Variants in NPM1 observed in about 807,000 individuals in gnomAD.
The protein encoded by NPM1 is nucleophosmin 1.
A neutral mutation model predicts 44.1 loss-of-function variants in NPM1; 1 was observed. That is an observed-to-expected ratio of 0.02 (90% CI 0.01 to 0.11). NPM1 has a LOEUF of 0.11. NPM1 is among the 10% of genes least tolerant of loss of function. The pLI is 1.00. For missense variants in NPM1, 197 were observed against 347.8 expected (o/e 0.57, Z 3.45); for synonymous variants, 126 against 111.8 (o/e 1.13, Z -0.80).
chr5:171,388,280 G>T (rs1045295308), intron 1 of NPM1, among the ~76,000 whole-genome samples: 10 of 152,186 alleles, frequency 6.6e-5, no homozygotes, highest in Non-Finnish European at 1.5e-4. Flanking sequence ...AGTGGAACCG[G>T]CCGCCTGGAA....
intron 10 of NPM1, 141 bp from the exon 11 acceptor site, chr5:171,410,386 G>C (rs1771762779): frequency 6.2e-6 from 3 of 485,134 alleles, no homozygotes; most frequent in Admixed American, 3.9e-5. Flanking sequence ...AAATTTTCTT[G>C]GAGTCATATC....
At chr5:171,399,532 A>G (rs1190244142) in intron 6 of NPM1, among the ~76,000 whole-genome samples, 3 of 152,156 alleles carry the variant, frequency 2.0e-5, no homozygotes, top group East Asian at 3.8e-4. Flanking sequence ...ACACTGTGCC[A>G]GTTCTTGGGT....
At chr5:171,400,111 CA>C in intron 6 of NPM1, 41 bp from the exon 7 acceptor site, 2 of 1,188,970 alleles carry the variant, frequency 1.7e-6, no homozygotes, top group Non-Finnish European at 2.5e-6. Flanking sequence ...TGTCTACTCC[CA>C]AATTTTGAAA....
At chr5:171,387,702 G>C, upstream of NPM1, 1 of 556,244 alleles carries the variant, frequency 1.8e-6, no homozygotes, top group Non-Finnish European at 3.2e-6. Context: ...TGGGGGCGAG[G>C]TAGAAAGGAG....
At chr5:171,397,128 C>T (rs1364072812) in intron 6 of NPM1, among the ~76,000 whole-genome samples, 1 of 152,080 alleles carries the variant, frequency 6.6e-6, no homozygotes, top group African/African-American at 2.4e-5. Flanking sequence ...TGAACTTTGT[C>T]TATAGGTTTC....
At chr5:171,407,428 C>G (rs1447069109) in intron 9 of NPM1, 1 of 405,758 alleles carries the variant, frequency 2.5e-6, no homozygotes, top group Non-Finnish European at 4.3e-6. Flanking sequence ...GTTTGTTTGT[C>G]GAATCTCAAG....
intron 2 of NPM1, among the ~76,000 whole-genome samples, chr5:171,390,715 T>C (rs552092363): frequency 3.7e-4 from 52 of 141,852 alleles, no homozygotes; most frequent in Non-Finnish European, 6.5e-4. Flanking sequence ...TTATTTTTAA[T>C]ATACCTTTCC....
At chr5:171,389,971 C>G in intron 1 of NPM1, 80 bp from the exon 2 acceptor site, 4 of 800,220 alleles carry the variant, frequency 5.0e-6, no homozygotes, top group Non-Finnish European at 8.4e-6. Context: ...AAAAGTTAGA[C>G]CTGACCTTTT....
At chr5:171,391,030 T>C (rs2113164536) in intron 2 of NPM1, 1 of 253,512 alleles carries the variant, frequency 3.9e-6, no homozygotes, top group South Asian at 1.0e-4. Context: ...CCCTTTCCTA[T>C]GCTTAGATGC....
At chr5:171,392,250 T>A (rs144673967) in intron 4 of NPM1, among the ~76,000 whole-genome samples, 40 of 152,354 alleles carry the variant, frequency 2.6e-4, no homozygotes, top group African/African-American at 9.4e-4. Flanking sequence ...CTAAAAATTA[T>A]TTTTTAATAA....
intron 9 of NPM1, chr5:171,406,573 A>T (rs1198490133): frequency 2.1e-6 from 3 of 1,438,918 alleles, no homozygotes; most frequent in East Asian, 2.5e-5. Flanking sequence ...GGCTGGAAAC[A>T]ATCTCTTGGT....
rs763929185 is a variant in NPM1 at position 171,405,293 on chromosome 5, C to A, written c.670-9C>A. Reference sequence around the variant, plus strand: ...CTTATGACCTTTTGGAAATTCATTTCTTTTTCAGGGACAAGAATCCTTCAA... The same window carrying A: ...CTTATGACCTTTTGGAAATTCATTTATTTTTCAGGGACAAGAATCCTTCAA... On this transcript the variant is annotated splice_polypyrimidine_tract_variant and intron_variant, in intron 8 of 10. Transcript: ENST00000296930. 17 of 1,417,240 alleles carry A rather than the reference C, an allele frequency of 1.2e-5. No individual in the cohort carries two copies. The highest frequency in any genetic ancestry group is 2.3e-5 in the East Asian group (1 of 43,916). 87.8% of individuals were successfully genotyped at this position (1,417,240 alleles called of 1,614,324 possible). A position where few individuals can be genotyped will look rare whatever the true frequency, so the allele number is the denominator to read the frequency against.
chr5:171,400,804 C>T lies in NPM1; in HGVS notation c.583-35C>T, dbSNP rs780792597. The T allele has an allele frequency of 4.4e-6, 6 of 1,372,554 alleles. No homozygotes were observed. The East Asian group carries it at 1.1e-4, about 26-fold the overall frequency. 85.0% of individuals were successfully genotyped at this position (1,372,554 alleles called of 1,614,324 possible). On this transcript the variant is annotated intron_variant, in intron 7 of 10. Transcript: ENST00000296930. ...GCTTTGTTTGCACTGTTGTTGGGGT[C>T]AGGGACAGTGATTAAGATAAATTTC...
chr5:171,387,727 G>A (rs1581233640), upstream of NPM1: 4 of 584,582 alleles, frequency 6.8e-6, no homozygotes, highest in East Asian at 1.2e-4. Context: ...GTTGAAAAGC[G>A]CTTGCGCAGG....
At position 171,393,763 on chromosome 5, in the gene NPM1, G is replaced by A. The variant is rs564709678; in HGVS notation, c.524+785G>A. Among the ~76,000 whole-genome samples, 4 of 152,290 alleles carry A rather than the reference G, an allele frequency of 2.6e-5. No homozygotes were observed. The East Asian group carries it at 5.8e-4, about 22-fold the overall frequency. On this transcript the variant is annotated intron_variant, in intron 6 of 10. Coordinates refer to ENST00000296930, the MANE Select transcript of NPM1 (RefSeq NM_002520.7). The stretch of plus-strand genomic sequence containing the variant: ...AATTGGGAGTTTAGGTTTTAAGCTG[G>A]TGGTTCTTCAAAATCTTTGAGCATG...
intron 10 of NPM1, among the ~76,000 whole-genome samples, chr5:171,408,946 C>G (rs1771698042): frequency 6.6e-6 from 1 of 152,124 alleles, no homozygotes; most frequent in Non-Finnish European, 1.5e-5. Flanking sequence ...GCTACAAAGT[C>G]TTGTAGCTAT....
At chr5:171,406,561 C>T (rs1026926352) in intron 9 of NPM1, 1 of 1,468,450 alleles carries the variant, frequency 6.8e-7, no homozygotes, top group Non-Finnish European at 9.0e-7. Context: ...CATGCCTCTT[C>T]AGGCTGGAAA....
At chr5:171,395,727 T>TTA (rs1270038990) in intron 6 of NPM1, among the ~76,000 whole-genome samples, 1 of 152,168 alleles carries the variant, frequency 6.6e-6, no homozygotes, top group Non-Finnish European at 1.5e-5. Context: ...TGAAGGTTCG[T>TTA]TATAGTTACT....
At chr5:171,389,298 AT>A (rs2113152883) in intron 1 of NPM1, among the ~76,000 whole-genome samples, 1 of 152,330 alleles carries the variant, frequency 6.6e-6, no homozygotes, top group East Asian at 1.9e-4. Flanking sequence ...ATGTATATGT[AT>A]TGGTAACGGT....
Sources: allele counts gnomAD v4.1 joint callset (sites outside exome capture counted in the v4.1 genomes callset), GRCh38; gene constraint gnomAD v4.1.1; transcripts MANE v1.5; gene names NCBI Gene and HGNC (gene_info 2026-07-23, HGNC 2026-07-21).